PHF19: variants seen among roughly 807,000 people sequenced by gnomAD.
The protein encoded by PHF19 is polycomb like 3.
PHF19 carries 21 observed loss-of-function variants against 79.8 expected under a neutral mutation model. The observed-to-expected ratio is 0.26, with a 90% CI of 0.19 to 0.38. The LOEUF (loss-of-function observed/expected upper bound fraction) is 0.38, where lower values mean the gene tolerates loss of function less well. Among genes scored for constraint, PHF19 ranks in the 10% least tolerant of loss-of-function variants. The pLI is 1.00. For synonymous variants in PHF19, 273 were observed against 296.3 expected (o/e 0.92, Z 0.81); for missense variants, 445 against 744.2 (o/e 0.60, Z 4.68).
Position 120,869,799 on chromosome 9 carries a change from T to C in PHF19, c.465+46A>G. ...GATGGGAGTCTCTGGTCTGCCCCAC[T>C]GGAGGAGGCAGGAGAGGCAGGGACT... is the stretch of plus-strand genomic sequence containing the variant. On this transcript the variant is annotated intron_variant, in intron 5 of 14. Coordinates refer to ENST00000373896, the MANE Select transcript of PHF19 (RefSeq NM_015651.3). The surrounding 1 kb of genome is among the most constrained non-coding windows in gnomAD (Gnocchi z 5.8). 3 of 1,611,610 alleles carry C rather than the reference T, an allele frequency of 1.9e-6. No homozygotes were observed. Among genetic ancestry groups the C allele is most frequent in the South Asian group, 2.2e-5 (2 of 90,390 alleles).
rs139727695 is a variant in PHF19, at chr9:120,858,187, C to T, written c.1500G>A (p.Ser500=). 1.3e-4 allele frequency: 204 copies of T among 1,600,508 alleles called. No individual in the cohort carries two copies. The Admixed American group carries it at 1.8e-3, about 14-fold the overall frequency. The change falls in exon 15 of 15, where the codon TCG becomes TCA. Residue 500 remains serine (S), a synonymous_variant. Transcript: ENST00000373896. Reference sequence around the variant, plus strand: ...CTGAAGCCCCCTCTGCACTGCTGTCCGAGGGGCAGCGTCCATCCAGCTCAG... The same window carrying T: ...CTGAAGCCCCCTCTGCACTGCTGTCTGAGGGGCAGCGTCCATCCAGCTCAG... ...WAAELDGRCP[S]DSSAEGASVP... is the part of the protein sequence containing the mutation.
At chr9:120,865,680 C>A (rs1279534447) in intron 9 of PHF19, 30 bp downstream of exon 9, 1 of 1,613,704 alleles carries the variant, frequency 6.2e-7, no homozygotes, top group Non-Finnish European at 8.5e-7. Flanking sequence ...TCTCTGCCTC[C>A]TGCCACTGAC....
At chr9:120,864,939 C>A (rs989305551) in intron 9 of PHF19, among the ~76,000 whole-genome samples, 4 of 150,462 alleles carry the variant, frequency 2.7e-5, no homozygotes, top group African/African-American at 9.8e-5. Flanking sequence ...TTTTCCACCA[C>A]GAATATGTAC....
Position 120,857,952 on chromosome 9 carries a change from G to A in PHF19, c.1735C>T (p.Pro579Ser), listed in dbSNP as rs1460961198. 6.3e-7 allele frequency: 1 copy of A among 1,591,802 alleles called. No homozygotes were observed. The highest frequency in any genetic ancestry group is 8.6e-7 in the Non-Finnish European group (1 of 1,163,974). Residue 579 changes from proline (P) to serine (S), a missense_variant, in exon 15 of 15, where the codon CCT (proline) becomes TCT (serine). Physicochemically the swap from Pro to Ser is moderately conservative, Grantham distance 74 (BLOSUM62 -1). This residue lies in a region of PHF19 where 20 missense variants were observed against 47.6 expected (regional missense o/e 0.42). Coordinates refer to ENST00000373896, the MANE Select transcript of PHF19 (RefSeq NM_015651.3). Reference sequence around the variant, plus strand: ...GCACCCCCGGGGGCTAGTCAGTAAGGGGTGGTCCCTTCCCACTCCACCAGG... The same window carrying A: ...GCACCCCCGGGGGCTAGTCAGTAAGAGGTGGTCCCTTCCCACTCCACCAGG... ...QYLVEWEGTT[P>S]Y
intron 1 of PHF19, among the ~76,000 whole-genome samples, chr9:120,875,066 TG>T (rs2046009013): frequency 6.6e-6 from 1 of 152,202 alleles, no homozygotes; most frequent in Non-Finnish European, 1.5e-5. Flanking sequence ...CCAGCGGGCC[TG>T]AACCACTCCC....
In PHF19 at chr9:120,862,554, G is replaced by A. The variant is rs201385796; in HGVS notation, c.1130+34C>T. On this transcript the variant is annotated intron_variant, in intron 11 of 14. Transcript: ENST00000373896. The surrounding 1 kb of genome is among the most constrained non-coding windows in gnomAD (Gnocchi z 4.6). ...TGGAAGCAGAGAAACCGAGTTTGGC[G>A]GCAGCCCTGGCCCCTGGGTCCCCGA... The A allele has an allele frequency of 5.8e-5, 93 of 1,599,064 alleles. No homozygotes were observed. The African/African-American group carries it at 7.6e-4, about 13-fold the overall frequency.
chr9:120,857,900 C>T lies in PHF19; in HGVS notation c.*44G>A. 1.7e-6 allele frequency: 2 copies of T among 1,207,964 alleles called. No homozygotes were observed. Among genetic ancestry groups the T allele is most frequent in the Non-Finnish European group, 1.2e-6 (1 of 851,928 alleles). The allele number at this position is 1,207,964 out of a possible 1,614,324, so 74.8% of individuals were successfully genotyped here. A position where few individuals can be genotyped will look rare whatever the true frequency, so the allele number is the denominator to read the frequency against. ...GCTGGGGAGCCTATGGCTTCTGCTG[C>T]TCCTCCTTTGGTTTTCAGGACCCCT... On this transcript the variant is annotated 3_prime_UTR_variant, in exon 15 of 15. Coordinates refer to ENST00000373896, the MANE Select transcript of PHF19 (RefSeq NM_015651.3).
chr9:120,900,528 G>A, the PHF19 span, among the ~76,000 whole-genome samples: 12 of 152,172 alleles, frequency 7.9e-5, no homozygotes, highest in Non-Finnish European at 1.8e-4. Context: ...GGTGATTTTT[G>A]CTTTCTTCTC....
At chr9:120,901,331 TAC>T in the PHF19 span, among the ~76,000 whole-genome samples, 88 of 152,316 alleles carry the variant, frequency 5.8e-4, no homozygotes, top group Non-Finnish European at 8.8e-4. Flanking sequence ...TAGCTGGGAC[TAC>T]AGGCATGTGC....
chr9:120,879,091 A>T (rs1930778), upstream of PHF19, among the ~76,000 whole-genome samples: 3 of 151,862 alleles, frequency 2.0e-5, no homozygotes, highest in African/African-American at 7.3e-5. Context: ...TTCTTGCTCC[A>T]GAGACTTTAA....
At chr9:120,881,709 G>A (rs1478853314), upstream of PHF19, among the ~76,000 whole-genome samples, 1 of 152,128 alleles carries the variant, frequency 6.6e-6, no homozygotes, top group Non-Finnish European at 1.5e-5. Context: ...GGTGTCCAGG[G>A]TGGTTACAGT....
chr9:120,869,960 G>A lies in PHF19; in HGVS notation c.365-15C>T, dbSNP rs780758133. 6 of 1,558,820 alleles carry A rather than the reference G, an allele frequency of 3.8e-6. No homozygotes were observed. In the African/African-American group the frequency reaches 6.8e-5, roughly 18 times the overall value. On this transcript the variant is annotated splice_polypyrimidine_tract_variant and intron_variant, in intron 4 of 14. Coordinates refer to ENST00000373896, the MANE Select transcript of PHF19 (RefSeq NM_015651.3). This position sits in a 1 kb window ranked among gnomAD's most constrained non-coding sequence, Gnocchi z 5.8. ...CTGGTGGTAACCTACGGCAGAGGAG[G>A]GGGCGGTGAGCGCCCACAAGGACAT...
In PHF19 at chr9:120,874,752, T is replaced by C. The variant is rs898897366; in HGVS notation, c.-11A>G. 1 of 1,607,150 alleles carries C rather than the reference T, an allele frequency of 6.2e-7. No individual in the cohort carries two copies. Among genetic ancestry groups the C allele is most frequent in the Non-Finnish European group, 8.5e-7 (1 of 1,174,586 alleles). On this transcript the variant is annotated 5_prime_UTR_variant, in exon 2 of 15. Transcript: ENST00000373896. This position sits in a 1 kb window ranked among gnomAD's most constrained non-coding sequence, Gnocchi z 4.5. ...AGCTCGATTCTCCATCAGCTTCCCCTGACACTGGGAGAGAAAGAACAGGGT... is the reference window on the plus strand; with the variant it reads ...AGCTCGATTCTCCATCAGCTTCCCCCGACACTGGGAGAGAAAGAACAGGGT...
At position 120,891,938 on chromosome 9, in the gene PHF19, CCT is replaced by C. The variant is rs1297105988; in HGVS notation, c.42+2848_42+2849del. ...AACATCCTAAAACAGGCTGCAAACC[CCT>C]GACGCCTTGCAGAGCCAGGTAGGAA... On this transcript the variant is annotated intron_variant, in intron 1 of 14. Coordinates refer to the PHF19 transcript ENST00000616568. The surrounding 1 kb of genome is among the most constrained non-coding windows in gnomAD (Gnocchi z 4.3). Among the ~76,000 whole-genome samples the C allele has an allele frequency of 1.3e-5, 2 of 152,110 alleles. No individual in the cohort carries two copies. The highest frequency in any genetic ancestry group is 3.9e-4 in the East Asian group (2 of 5,192).
At chr9:120,890,343 A>G (rs186000134) in intron 1 of PHF19, among the ~76,000 whole-genome samples, 28 of 135,526 alleles carry the variant, frequency 2.1e-4, no homozygotes, top group African/African-American at 7.3e-4. Flanking sequence ...AAACCTGGCT[A>G]CTTGTCTCAG....
chr9:120,864,785 T>G (rs901738353), intron 9 of PHF19, among the ~76,000 whole-genome samples: 1 of 152,192 alleles, frequency 6.6e-6, no homozygotes, highest in Non-Finnish European at 1.5e-5. Flanking sequence ...TACTGTATCA[T>G]TTAAACGATA....
chr9:120,890,466 G>A (rs753107812), intron 1 of PHF19, among the ~76,000 whole-genome samples: 2 of 152,020 alleles, frequency 1.3e-5, no homozygotes, highest in Admixed American at 1.3e-4. Context: ...GATGCAGGCC[G>A]GTGACGCCAC....
At chr9:120,895,787 G>C (rs143478360), upstream of PHF19, among the ~76,000 whole-genome samples, 1,899 of 152,090 alleles carry the variant, frequency 0.012, 25 homozygotes, top group Middle Eastern at 0.031. Flanking sequence ...CGAGTAGCTG[G>C]GACTACAGGC....
At chr9:120,865,322 G>A (rs150049645) in intron 9 of PHF19, among the ~76,000 whole-genome samples, 298 of 152,316 alleles carry the variant, frequency 2.0e-3, no homozygotes, top group Non-Finnish European at 3.6e-3. Context: ...GAAAGTCTCC[G>A]TTTGTAATTT....
Sources: gnomAD v4.1 joint callset for allele counts (sites outside exome capture counted in the v4.1 genomes callset) on GRCh38, gnomAD v4.1.1 for gene constraint, gnomAD v4.1.1 regional missense constraint, Gnocchi (gnomAD v3.1) non-coding constraint, MANE v1.5 for transcripts, NCBI Gene and HGNC (gene_info 2026-07-23, HGNC 2026-07-21) for gene names.